Variants in C2CD3 observed in about 807,000 individuals in gnomAD.
C2CD3 encodes C2 domain-containing protein 3.
C2CD3 carries 148 observed loss-of-function variants against 234.0 expected under a neutral mutation model. The ratio of observed to expected loss-of-function variants is 0.63; its 90% CI spans 0.55 to 0.72. The LOEUF is 0.72. Ranked by LOEUF, C2CD3 falls within the 30% of genes least tolerant of loss-of-function variation. The pLI is 0.00. For missense variants in C2CD3, 2,577 were observed against 2,811.5 expected (o/e 0.92, Z 1.89); for synonymous variants, 1,000 against 1,035.4 (o/e 0.97, Z 0.66).
At chr11:74,112,358 T>C (rs944611874) in intron 11 of C2CD3, among the ~76,000 whole-genome samples, 2 of 152,084 alleles carry the variant, frequency 1.3e-5, no homozygotes, top group Non-Finnish European at 2.9e-5. Context: ...ATGTCTATTA[T>C]ATTATCCTTT....
In C2CD3 at chr11:74,033,602, G is replaced by T. The variant is rs370502185; in HGVS notation, c.6558C>A (p.Ser2186Arg). 101 of 1,536,166 alleles carry T rather than the reference G, an allele frequency of 6.6e-5. No homozygotes were observed. In the African/African-American group the frequency reaches 1.2e-3, roughly 19 times the overall value. The change falls in exon 31 of 33, where the codon AGC becomes AGA. Residue 2186 changes from serine (S) to arginine (R), a missense_variant. Transcript: ENST00000334126. ...GTGAGCTCCATCCAACAAACGTGCT[G>T]CTCTGTTGAGCTCCTGAGAGTGTTG... is the stretch of plus-strand genomic sequence containing the variant. ...PCPTLSGAQQ[S>R]STFVGWSSPQ...
chr11:74,165,973 G>T (rs1304450732), intron 2 of C2CD3, among the ~76,000 whole-genome samples: 1 of 152,052 alleles, frequency 6.6e-6, no homozygotes, highest in South Asian at 2.1e-4. Flanking sequence ...GATTACAGGC[G>T]TGAGCCACCA....
intron 10 of C2CD3, 106 bp downstream of exon 10, chr11:74,114,278 A>T (rs749662784): frequency 1.6e-5 from 12 of 761,636 alleles, no homozygotes; most frequent in African/African-American, 3.5e-5. Flanking sequence ...TAAATGATGC[A>T]TATGAAAACA....
At chr11:74,096,773 T>C (rs1292939653) in intron 16 of C2CD3, among the ~76,000 whole-genome samples, 1 of 152,194 alleles carries the variant, frequency 6.6e-6, no homozygotes, top group Non-Finnish European at 1.5e-5. Context: ...GGGATATTAA[T>C]GTGGCTTTTC....
At chr11:74,073,628 C>CCT (rs1345262977) in intron 24 of C2CD3, among the ~76,000 whole-genome samples, 2 of 151,834 alleles carry the variant, frequency 1.3e-5, no homozygotes, top group African/African-American at 4.8e-5. Flanking sequence ...AAAAAACCCC[C>CCT]CTAACTATTG....
rs565127325 is a variant in C2CD3, at chr11:74,115,193, TAC to T, written c.1521-602_1521-601del. On this transcript the variant is annotated intron_variant, in intron 9 of 32. Coordinates refer to ENST00000334126, the MANE Select transcript of C2CD3 (RefSeq NM_001286577.2). ...AATTTAAAAATACTATATAGATATA[TAC>T]ACACACACACACACATACATACATA... 4.0e-3 allele frequency among the ~76,000 whole-genome samples: 602 copies of T among 150,370 alleles called. 3 individuals are homozygous for T. Among genetic ancestry groups the T allele is most frequent in the Middle Eastern group, 0.034 (10 of 290 alleles).
intron 26 of C2CD3, among the ~76,000 whole-genome samples, chr11:74,053,007 A>C (rs1953767117): frequency 6.6e-6 from 1 of 152,182 alleles, no homozygotes; most frequent in African/African-American, 2.4e-5. Flanking sequence ...AGTGAGATAA[A>C]ATTTTCTAAG....
At chr11:74,095,484 C>A in intron 16 of C2CD3, 76 bp from the exon 17 acceptor site, 1 of 1,135,468 alleles carries the variant, frequency 8.8e-7, no homozygotes, top group South Asian at 1.5e-5. Context: ...TCTATGAAGT[C>A]TGAGTATAGA....
chr11:74,013,559 A>G (rs1285042206), intron 32 of C2CD3, 34 bp from the exon 33 acceptor site: 2 of 1,267,292 alleles, frequency 1.6e-6, no homozygotes, highest in Non-Finnish European at 2.0e-6. Flanking sequence ...GTTACCACTG[A>G]GGATATGGCA....
chr11:74,156,161 C>T (rs183420262), intron 3 of C2CD3, among the ~76,000 whole-genome samples: 12 of 152,194 alleles, frequency 7.9e-5, no homozygotes, highest in African/African-American at 2.6e-4. Flanking sequence ...GTAGTCCCAG[C>T]TACTTAGGAG....
intron 24 of C2CD3, among the ~76,000 whole-genome samples, chr11:74,071,525 C>T (rs934048653): frequency 1.3e-5 from 2 of 152,216 alleles, no homozygotes; most frequent in African/African-American, 4.8e-5. Context: ...AACTTCAGGT[C>T]ATTTTACCTT....
intron 7 of C2CD3, among the ~76,000 whole-genome samples, chr11:74,131,275 A>G (rs921111892): frequency 5.9e-5 from 9 of 151,294 alleles, no homozygotes; most frequent in African/African-American, 2.2e-4. Context: ...GTAAGCCGAG[A>G]TCAAGCCATT....
intron 2 of C2CD3, among the ~76,000 whole-genome samples, chr11:74,163,401 T>C (rs1228110662): frequency 6.6e-6 from 1 of 152,226 alleles, no homozygotes; most frequent in Non-Finnish European, 1.5e-5. Flanking sequence ...GTGTAACAAC[T>C]TGATATGGTT....
chr11:74,052,042 A>G (rs566050092), intron 26 of C2CD3, among the ~76,000 whole-genome samples: 1 of 152,294 alleles, frequency 6.6e-6, no homozygotes, highest in Non-Finnish European at 1.5e-5. Flanking sequence ...GAGCAGTAGG[A>G]TATAAATAAC....
intron 23 of C2CD3, among the ~76,000 whole-genome samples, chr11:74,076,962 T>A (rs988421048): frequency 2.6e-5 from 4 of 152,168 alleles, no homozygotes; most frequent in African/African-American, 9.7e-5. Flanking sequence ...GTAAACTCTT[T>A]AAGGTTAGGA....
At chr11:74,053,709 G>A (rs1953811576) in intron 26 of C2CD3, among the ~76,000 whole-genome samples, 1 of 152,236 alleles carries the variant, frequency 6.6e-6, no homozygotes, top group African/African-American at 2.4e-5. Flanking sequence ...CCACTTGTAT[G>A]TGGCAGGCTG....
At chr11:74,170,695 C>T in intron 1 of C2CD3, 43 bp downstream of exon 1, 3 of 1,612,504 alleles carry the variant, frequency 1.9e-6, no homozygotes, top group Middle Eastern at 1.6e-4. Context: ...TTACACCCTG[C>T]TCTCCTATTA....
Position 74,042,223 on chromosome 11 carries a change from CAAAAAAAAA to C in C2CD3, c.5496-14_5496-6del. The C allele has an allele frequency of 7.2e-7, 1 of 1,382,576 alleles. No individual in the cohort carries two copies. The highest frequency in any genetic ancestry group is 9.3e-7 in the Non-Finnish European group (1 of 1,071,552). 85.6% of individuals were successfully genotyped at this position (1,382,576 alleles called of 1,614,324 possible). A position where few individuals can be genotyped will look rare whatever the true frequency, so the allele number is the denominator to read the frequency against. On this transcript the variant is annotated splice_polypyrimidine_tract_variant and splice_region_variant and intron_variant, in intron 28 of 32. Transcript: ENST00000334126. ...TGGCTTCTTGTGGTATCACTTCTGT[CAAAAAAAAA>C]AAAAAAAAAAGTAGGAGCAAAATAA... is the stretch of plus-strand genomic sequence containing the variant.
intron 6 of C2CD3, 148 bp downstream of exon 6, chr11:74,133,277 T>C: frequency 1.4e-6 from 1 of 732,540 alleles, no homozygotes; most frequent in Admixed American, 2.7e-5. Flanking sequence ...TTTAGTATCT[T>C]AACTCCTAGT....
Sources: gnomAD v4.1 joint callset for allele counts (sites outside exome capture counted in the v4.1 genomes callset) on GRCh38, gnomAD v4.1.1 for gene constraint, MANE v1.5 for transcripts, NCBI Gene and HGNC (gene_info 2026-07-23, HGNC 2026-07-21) for gene names.